EDIL3: variants seen among roughly 807,000 people sequenced by gnomAD.
The protein encoded by EDIL3 is EGF like and discoidin domains 3.
A neutral mutation model predicts 67.4 loss-of-function variants in EDIL3; 37 were observed. The observed-to-expected ratio is 0.55, with a 90% CI of 0.42 to 0.72. The LOEUF (loss-of-function observed/expected upper bound fraction) is 0.72. Ranked by LOEUF, EDIL3 falls within the 30% of genes least tolerant of loss-of-function variation. The pLI, the probability that EDIL3 is intolerant of heterozygous loss-of-function variation, is 0.00. For missense variants in EDIL3, 527 were observed against 586.3 expected (o/e 0.90, Z 1.04); for synonymous variants, 195 against 196.3 (o/e 0.99, Z 0.05).
intron 9 of EDIL3, among the ~76,000 whole-genome samples, chr5:83,976,653 C>A (rs1324554281): frequency 6.6e-6 from 1 of 151,620 alleles, no homozygotes; most frequent in Admixed American, 6.6e-5. Context: ...ATCACCCAAC[C>A]AACCCGAGAA....
intron 4 of EDIL3, among the ~76,000 whole-genome samples, chr5:84,163,710 T>C (rs1748652106): frequency 6.6e-6 from 1 of 152,068 alleles, no homozygotes; most frequent in South Asian, 2.1e-4. Flanking sequence ...ACATCTTTTA[T>C]AGACAGAAAA....
chr5:83,958,902 AAGTT>A (rs1180787224), intron 10 of EDIL3, among the ~76,000 whole-genome samples: 5 of 151,366 alleles, frequency 3.3e-5, no homozygotes, highest in South Asian at 4.1e-4. Flanking sequence ...AGAAATATAA[AAGTT>A]AGTTAAATGT....
At chr5:83,970,510 A>G (rs1744772897) in intron 9 of EDIL3, among the ~76,000 whole-genome samples, 1 of 148,684 alleles carries the variant, frequency 6.7e-6, no homozygotes, top group African/African-American at 2.4e-5. Flanking sequence ...GGCTAAAAAG[A>G]TAATTTACTT....
chr5:84,342,481 A>G (rs2112178833), intron 1 of EDIL3, among the ~76,000 whole-genome samples: 1 of 152,170 alleles, frequency 6.6e-6, no homozygotes, highest in Non-Finnish European at 1.5e-5. Flanking sequence ...ACATTATTCC[A>G]CTGATGGATA....
chr5:84,099,188 T>C (rs899448338), intron 6 of EDIL3, among the ~76,000 whole-genome samples: 1 of 152,140 alleles, frequency 6.6e-6, no homozygotes, highest in African/African-American at 2.4e-5. Context: ...AAGTAATTCA[T>C]AGATTCAATG....
intron 1 of EDIL3, among the ~76,000 whole-genome samples, chr5:84,383,817 A>G (rs1407716359): frequency 1.3e-5 from 2 of 152,134 alleles, no homozygotes; most frequent in Non-Finnish European, 2.9e-5. Flanking sequence ...GGCTCAGCCC[A>G]GGCCCTGCGC....
At chr5:84,008,832 A>C (rs1745470181) in intron 9 of EDIL3, among the ~76,000 whole-genome samples, 1 of 151,866 alleles carries the variant, frequency 6.6e-6, no homozygotes, top group Non-Finnish European at 1.5e-5. Flanking sequence ...TTGTGGGGGG[A>C]AACAGGGTCT....
intron 1 of EDIL3, among the ~76,000 whole-genome samples, chr5:84,364,515 T>C (rs1419035520): frequency 2.0e-5 from 3 of 152,156 alleles, no homozygotes; most frequent in Non-Finnish European, 4.4e-5. Flanking sequence ...CCCTTGATGT[T>C]ATACCCATTA....
intron 3 of EDIL3, among the ~76,000 whole-genome samples, chr5:84,220,405 C>A (rs1744319147): frequency 6.6e-6 from 1 of 152,088 alleles, no homozygotes; most frequent in African/African-American, 2.4e-5. Context: ...TGACAATGCA[C>A]ATATGAATAT....
chr5:84,290,976 A>G lies in EDIL3; in HGVS notation c.68-36764T>C, dbSNP rs919054462. 2.6e-5 allele frequency among the ~76,000 whole-genome samples: 4 copies of G among 152,196 alleles called. No individual in the cohort carries two copies. In the East Asian group the frequency reaches 5.8e-4, roughly 22 times the overall value. On this transcript the variant is annotated intron_variant, in intron 1 of 10. Transcript: ENST00000296591. ...TGATTTCAGCTTTAGTCTCACTGCA[A>G]CATTTAAACTAAAAATATTCTCTAC...
intron 9 of EDIL3, among the ~76,000 whole-genome samples, chr5:84,015,143 T>C (rs1369497507): frequency 6.6e-6 from 1 of 152,194 alleles, no homozygotes; most frequent in Non-Finnish European, 1.5e-5. Context: ...AGGGTATAGC[T>C]AGTGACTGCT....
chr5:84,015,248 C>T (rs1745581953), intron 9 of EDIL3, among the ~76,000 whole-genome samples: 1 of 152,116 alleles, frequency 6.6e-6, no homozygotes, highest in African/African-American at 2.4e-5. Context: ...AGCTATATCA[C>T]AATAACACAA....
chr5:84,298,803 G>T (rs920026624), intron 1 of EDIL3, among the ~76,000 whole-genome samples: 6 of 151,972 alleles, frequency 3.9e-5, no homozygotes, highest in Admixed American at 2.0e-4. Flanking sequence ...CTCCATTCTT[G>T]ACAACACTCT....
chr5:84,068,361 A>G (rs1442969048), intron 6 of EDIL3, among the ~76,000 whole-genome samples: 1 of 152,098 alleles, frequency 6.6e-6, no homozygotes, highest in Non-Finnish European at 1.5e-5. Context: ...GATGTTGCTG[A>G]ACATTCCTTT....
chr5:84,111,861 T>C (rs1239433609), intron 5 of EDIL3, among the ~76,000 whole-genome samples: 1 of 151,970 alleles, frequency 6.6e-6, no homozygotes, highest in Non-Finnish European at 1.5e-5. Flanking sequence ...ATGGCAGATA[T>C]TGTGTTGGTG....
chr5:84,185,296 G>C (rs1387294761), intron 3 of EDIL3, among the ~76,000 whole-genome samples: 1 of 152,064 alleles, frequency 6.6e-6, no homozygotes, highest in Non-Finnish European at 1.5e-5. Flanking sequence ...AATAATACAG[G>C]ACTCCAAAAT....
At chr5:83,993,876 G>A (rs75318534) in intron 9 of EDIL3, among the ~76,000 whole-genome samples, 2,538 of 152,190 alleles carry the variant, frequency 0.017, 67 homozygotes, top group African/African-American at 0.057. Context: ...GGTCTTCCAA[G>A]GCAATCCTAA....
chr5:84,253,976 A>T (rs978339420), intron 2 of EDIL3, 108 bp downstream of exon 2: 11 of 1,153,672 alleles, frequency 9.5e-6, no homozygotes, highest in East Asian at 8.1e-5. Flanking sequence ...ACTAATTAGC[A>T]ACATATAGCA....
At chr5:84,327,672 A>G (rs1467910830) in intron 1 of EDIL3, among the ~76,000 whole-genome samples, 2 of 151,944 alleles carry the variant, frequency 1.3e-5, no homozygotes, top group Admixed American at 1.3e-4. Flanking sequence ...GAAGTTTGGT[A>G]TTTACATCAG....
Sources: allele counts gnomAD v4.1 joint callset (sites outside exome capture counted in the v4.1 genomes callset), GRCh38; gene constraint gnomAD v4.1.1; transcripts MANE v1.5; gene names NCBI Gene and HGNC (gene_info 2026-07-23, HGNC 2026-07-21).